The following QTMAN variants were observed in gnomAD, a reference collection of about 807,000 sequenced individuals.
The protein encoded by QTMAN is tRNA-queuosine alpha-mannosyltransferase.
chr2:144,172,694 T>G, the QTMAN span, among the ~76,000 whole-genome samples: 1 of 151,866 alleles, frequency 6.6e-6, no homozygotes, highest in African/African-American at 2.4e-5. Flanking sequence ...TTTAGAAAGT[T>G]ATTTTATAAA....
the QTMAN span, among the ~76,000 whole-genome samples, chr2:144,327,802 A>C: frequency 6.6e-6 from 1 of 152,182 alleles, no homozygotes; most frequent in Non-Finnish European, 1.5e-5. Flanking sequence ...AGGGAGATCA[A>C]GCTGTTAGGA....
At chr2:144,196,735 TC>T in the QTMAN span, among the ~76,000 whole-genome samples, 1 of 152,202 alleles carries the variant, frequency 6.6e-6, no homozygotes, top group Non-Finnish European at 1.5e-5. Context: ...TGCCTGCTAT[TC>T]CAGATCACTG....
the QTMAN span, among the ~76,000 whole-genome samples, chr2:144,298,670 T>C: frequency 6.6e-6 from 1 of 152,150 alleles, no homozygotes; most frequent in African/African-American, 2.4e-5. Flanking sequence ...TCTTCCACCA[T>C]CTTCCTGAGT....
At chr2:143,998,074 A>G in the QTMAN span, among the ~76,000 whole-genome samples, 1 of 151,998 alleles carries the variant, frequency 6.6e-6, no homozygotes, top group Non-Finnish European at 1.5e-5. Context: ...CCCTCCCTGT[A>G]ACCAGCTCCC....
the QTMAN span, among the ~76,000 whole-genome samples, chr2:144,159,459 C>T: frequency 1.3e-5 from 2 of 151,830 alleles, no homozygotes; most frequent in Admixed American, 6.6e-5. Context: ...ATCATGGGGC[C>T]GAGGCTGATT....
chr2:143,993,421 G>A, the QTMAN span, among the ~76,000 whole-genome samples: 1 of 151,942 alleles, frequency 6.6e-6, no homozygotes, highest in African/African-American at 2.4e-5. Flanking sequence ...AAAAAGGGGG[G>A]GGGACTTTGC....
At chr2:144,098,085 G>T in the QTMAN span, among the ~76,000 whole-genome samples, 1 of 152,200 alleles carries the variant, frequency 6.6e-6, no homozygotes, top group Non-Finnish European at 1.5e-5. Flanking sequence ...CCTGGCTGCG[G>T]AGGTGCTATG....
chr2:144,182,888 A>ATATACATTATATATATATTT, the QTMAN span, among the ~76,000 whole-genome samples: 3 of 84,998 alleles, frequency 3.5e-5, no homozygotes, highest in African/African-American at 1.4e-4. Flanking sequence ...TATATATTTT[A>ATATACATTATATATATATTT]TATATATATA....
the QTMAN span, among the ~76,000 whole-genome samples, chr2:144,297,493 G>A: frequency 2.0e-5 from 3 of 151,752 alleles, no homozygotes; most frequent in African/African-American, 4.8e-5. Context: ...GGTAGGTCTC[G>A]GTTCAGTAAT....
At chr2:144,076,861 C>G in the QTMAN span, among the ~76,000 whole-genome samples, 1 of 151,766 alleles carries the variant, frequency 6.6e-6, no homozygotes, top group East Asian at 1.9e-4. Context: ...GCTCAGGCCA[C>G]TAATCCCAGC....
At chr2:143,987,865 T>G in the QTMAN span, among the ~76,000 whole-genome samples, 1 of 152,212 alleles carries the variant, frequency 6.6e-6, no homozygotes, top group Non-Finnish European at 1.5e-5. Flanking sequence ...ACACTCTTCC[T>G]AACCCTCCCA....
At chr2:144,256,924 A>C in the QTMAN span, among the ~76,000 whole-genome samples, 1 of 152,192 alleles carries the variant, frequency 6.6e-6, no homozygotes, top group Non-Finnish European at 1.5e-5. Flanking sequence ...AATACACTAA[A>C]TATTAAATGA....
chr2:144,327,777 G>C, the QTMAN span, among the ~76,000 whole-genome samples: 8 of 152,152 alleles, frequency 5.3e-5, no homozygotes, highest in African/African-American at 1.9e-4. Flanking sequence ...TAAAGGTAGG[G>C]GAGATAGCAA....
At chr2:144,164,800 C>T in the QTMAN span, among the ~76,000 whole-genome samples, 1 of 152,140 alleles carries the variant, frequency 6.6e-6, no homozygotes, top group South Asian at 2.1e-4. Flanking sequence ...ATCACTTGTG[C>T]TTGAGCTGAG....
At chr2:144,069,065 G>T in the QTMAN span, among the ~76,000 whole-genome samples, 11 of 152,150 alleles carry the variant, frequency 7.2e-5, no homozygotes, top group Admixed American at 7.2e-4. Flanking sequence ...AATATGGAAA[G>T]TACGGCTAAA....
chr2:144,004,344 T>C, the QTMAN span, among the ~76,000 whole-genome samples: 1 of 152,048 alleles, frequency 6.6e-6, no homozygotes, highest in African/African-American at 2.4e-5. Context: ...AATTATACGA[T>C]TTCCACCCAT....
At chr2:144,001,825 A>G in the QTMAN span, among the ~76,000 whole-genome samples, 1 of 151,872 alleles carries the variant, frequency 6.6e-6, no homozygotes, top group South Asian at 2.1e-4. Context: ...TAAGCCAAAA[A>G]AAAAAAATTA....
the QTMAN span, among the ~76,000 whole-genome samples, chr2:144,031,315 CT>C: frequency 6.6e-6 from 1 of 151,850 alleles, no homozygotes; most frequent in Non-Finnish European, 1.5e-5. Context: ...GGTACTAATC[CT>C]TTTCAAAAGT....
At chr2:143,977,913 TCA>T in the QTMAN span, among the ~76,000 whole-genome samples, 2 of 152,198 alleles carry the variant, frequency 1.3e-5, no homozygotes, top group Non-Finnish European at 2.9e-5. Flanking sequence ...TTTCTCATAT[TCA>T]GTTTCCTTCC....
Sources: allele counts gnomAD v4.1 joint callset (sites outside exome capture counted in the v4.1 genomes callset), GRCh38; gene constraint gnomAD v4.1.1; transcripts MANE v1.5; gene names NCBI Gene and HGNC (gene_info 2026-07-23, HGNC 2026-07-21).